AGPAT3: variants seen among roughly 807,000 people sequenced by gnomAD.
AGPAT3 encodes 1-acyl-sn-glycerol-3-phosphate acyltransferase gamma.
Under a neutral mutation model 47.3 loss-of-function variants are expected in AGPAT3, and 5 were observed. The observed-to-expected ratio is 0.11, with a 90% CI of 0.06 to 0.22. The LOEUF is 0.22. Among genes scored for constraint, AGPAT3 ranks in the 10% least tolerant of loss-of-function variants. AGPAT3 has a pLI of 1.00. For synonymous variants in AGPAT3, 212 were observed against 208.3 expected, an observed-to-expected ratio of 1.02 and a Z score of -0.15; for missense variants, 315 against 493.0, an observed-to-expected ratio of 0.64 and a Z score of 3.42.
intron 2 of AGPAT3, among the ~76,000 whole-genome samples, chr21:43,915,168 C>T (rs566242360): frequency 6.6e-6 from 1 of 152,004 alleles, no homozygotes; most frequent in Non-Finnish European, 1.5e-5. Flanking sequence ...TCTCCTGCCT[C>T]AGCCTCCCGA....
chr21:43,898,151 G>C (rs183256701), intron 1 of AGPAT3, among the ~76,000 whole-genome samples: 1 of 152,154 alleles, frequency 6.6e-6, no homozygotes, highest in East Asian at 1.9e-4. Flanking sequence ...GAGGGAGAGC[G>C]ACAGTTGGTT....
chr21:43,942,488 A>G (rs2087692848), intron 2 of AGPAT3, among the ~76,000 whole-genome samples: 1 of 152,160 alleles, frequency 6.6e-6, no homozygotes, highest in Admixed American at 6.5e-5. Flanking sequence ...GGAGCCCACA[A>G]TGCCAGCTCT....
intron 1 of AGPAT3, among the ~76,000 whole-genome samples, chr21:43,897,271 G>A (rs867561912): frequency 6.6e-6 from 1 of 151,916 alleles, no homozygotes; most frequent in African/African-American, 2.4e-5. Context: ...CACGGGGTTG[G>A]GGGTAAGGTT....
intron 2 of AGPAT3, among the ~76,000 whole-genome samples, chr21:43,929,852 G>A (rs2087181282): frequency 6.6e-6 from 1 of 152,256 alleles, no homozygotes; most frequent in Non-Finnish European, 1.5e-5. Context: ...CTCCCGCCTG[G>A]CTGAGTGCCG....
chr21:43,976,806 G>A (rs919146290), intron 7 of AGPAT3, among the ~76,000 whole-genome samples: 3 of 152,202 alleles, frequency 2.0e-5, no homozygotes, highest in African/African-American at 4.8e-5. Flanking sequence ...AACAGGTCAC[G>A]CCTACCTGAC....
At chr21:43,897,318 T>G (rs887459411) in intron 1 of AGPAT3, among the ~76,000 whole-genome samples, 1 of 152,188 alleles carries the variant, frequency 6.6e-6, no homozygotes, top group Admixed American at 6.5e-5. Flanking sequence ...AGAATTTTTC[T>G]TAGTACAGAA....
intron 5 of AGPAT3, 116 bp downstream of exon 5, chr21:43,969,395 G>A: frequency 4.4e-6 from 6 of 1,360,736 alleles, no homozygotes; most frequent in East Asian, 2.4e-5. Context: ...CTGCACATGG[G>A]GTGCTGTTTC....
rs780222508 is a variant in AGPAT3 at position 43,970,816 on chromosome 21, A to G, written c.664+10A>G. ...TGCCTCCGGGGGACAGGTAGGCCCCAGACTGCCCGAGCCGGGGCCACCGCT... is the reference window on the plus strand; with the variant it reads ...TGCCTCCGGGGGACAGGTAGGCCCCGGACTGCCCGAGCCGGGGCCACCGCT... On this transcript the variant is annotated intron_variant, in intron 6 of 9. Transcript: ENST00000291572. The surrounding 1 kb of genome is among the most constrained non-coding windows in gnomAD (Gnocchi z 5.8). The G allele has an allele frequency of 1.2e-5, 19 of 1,539,916 alleles. No individual in the cohort carries two copies. Among genetic ancestry groups the G allele is most frequent in the Non-Finnish European group, 1.5e-5 (17 of 1,139,262 alleles).
At chr21:43,961,162 CAAAAAT>C (rs1053726474) in intron 3 of AGPAT3, among the ~76,000 whole-genome samples, 8 of 149,542 alleles carry the variant, frequency 5.3e-5, no homozygotes, top group African/African-American at 2.0e-4. Flanking sequence ...AAAAAGAAAA[CAAAAAT>C]CTCAGAAGGA....
intron 7 of AGPAT3, among the ~76,000 whole-genome samples, chr21:43,975,158 T>C (rs571511051): frequency 6.6e-6 from 1 of 151,710 alleles, no homozygotes; most frequent in African/African-American, 2.4e-5. Context: ...CGAGGTGTGC[T>C]GGTGTGTGGT....
chr21:43,944,958 C>G (rs891500558), intron 2 of AGPAT3, among the ~76,000 whole-genome samples: 4 of 152,218 alleles, frequency 2.6e-5, no homozygotes, highest in African/African-American at 9.6e-5. Flanking sequence ...TGACTCAGCT[C>G]CGGCAGGCAA....
rs561265808 is a variant in AGPAT3, at chr21:43,985,425, G to A, written c.*3033G>A. The A allele has an allele frequency of 3.0e-5, 10 of 332,998 alleles. No homozygotes were observed. In the East Asian group the frequency reaches 3.3e-4, roughly 11 times the overall value. 20.6% of individuals were successfully genotyped at this position (332,998 alleles called of 1,614,324 possible). The stretch of plus-strand genomic sequence containing the variant: ...AAAAAAAAAAAAAGCACGTCCTGTC[G>A]ATGAATTTTGAGTCTCTCTGCCTTG... On this transcript the variant is annotated 3_prime_UTR_variant, in exon 10 of 10. Coordinates refer to ENST00000291572, the MANE Select transcript of AGPAT3 (RefSeq NM_020132.5).
intron 2 of AGPAT3, among the ~76,000 whole-genome samples, chr21:43,917,868 TGTTGTGGGG>T (rs1478582000): frequency 4.0e-3 from 334 of 83,454 alleles, no homozygotes; most frequent in African/African-American, 0.015. Flanking sequence ...GAGTTGTGAG[TGTTGTGGGG>T]GTTGTGGGGG....
intron 1 of AGPAT3, among the ~76,000 whole-genome samples, chr21:43,890,632 T>G (rs1461420700): frequency 3.3e-5 from 5 of 151,668 alleles, no homozygotes; most frequent in Non-Finnish European, 1.5e-5. Flanking sequence ...AGGCTGAACT[T>G]GAACACCTAG....
At chr21:43,978,985 T>C (rs1448356108) in intron 8 of AGPAT3, among the ~76,000 whole-genome samples, 3 of 152,186 alleles carry the variant, frequency 2.0e-5, no homozygotes, top group Non-Finnish European at 4.4e-5. Flanking sequence ...CGTAAATGCA[T>C]TGATGGGCTC....
At chr21:43,945,700 C>A (rs953495637) in intron 2 of AGPAT3, among the ~76,000 whole-genome samples, 1 of 152,166 alleles carries the variant, frequency 6.6e-6, no homozygotes, top group Non-Finnish European at 1.5e-5. Context: ...GAAACCTACT[C>A]GGTTTATTCC....
intron 1 of AGPAT3, among the ~76,000 whole-genome samples, chr21:43,866,029 C>G (rs923854525): frequency 2.6e-5 from 4 of 151,682 alleles, no homozygotes; most frequent in African/African-American, 9.7e-5. Context: ...AAAACCCACT[C>G]CTGGCCACCC....
intron 2 of AGPAT3, among the ~76,000 whole-genome samples, chr21:43,907,055 G>A (rs1440157924): frequency 2.7e-5 from 4 of 149,146 alleles, no homozygotes; most frequent in Non-Finnish European, 4.5e-5. Context: ...TTTTTGAGAG[G>A]GGGTCTCTCT....
rs140354829 is a variant in AGPAT3, at chr21:43,935,790, C to T, written c.-48-23844C>T. On this transcript the variant is annotated intron_variant, in intron 2 of 9. Transcript: ENST00000291572. ...GACAACCTGGCTTCATCATCACAGGCGGCCACGGAGGAGCTCAGACTCAGG... is the reference window on the plus strand; with the variant it reads ...GACAACCTGGCTTCATCATCACAGGTGGCCACGGAGGAGCTCAGACTCAGG... 2.5e-3 allele frequency among the ~76,000 whole-genome samples: 388 copies of T among 152,176 alleles called. 1 individual carries two copies. The highest frequency in any genetic ancestry group is 3.9e-3 in the Non-Finnish European group (265 of 68,002).
Sources: gnomAD v4.1 joint callset for allele counts (sites outside exome capture counted in the v4.1 genomes callset) on GRCh38, gnomAD v4.1.1 for gene constraint, Gnocchi (gnomAD v3.1) non-coding constraint, MANE v1.5 for transcripts, NCBI Gene and HGNC (gene_info 2026-07-23, HGNC 2026-07-21) for gene names.